Variants in HNRNPAB observed in about 807,000 individuals in gnomAD.
HNRNPAB encodes the protein ABBP-1.
HNRNPAB carries 17 observed loss-of-function variants against 44.1 expected under a neutral mutation model. The ratio of observed to expected loss-of-function variants is 0.39; its 90% CI spans 0.26 to 0.58. The LOEUF is 0.58. Among genes scored for constraint, HNRNPAB ranks in the 20% least tolerant of loss-of-function variants. HNRNPAB has a pLI of 0.63. For synonymous variants in HNRNPAB, 183 were observed against 167.6 expected, an observed-to-expected ratio of 1.09 and a Z score of -0.71; for missense variants, 393 against 432.7, an observed-to-expected ratio of 0.91 and a Z score of 0.81.
intron 2 of HNRNPAB, 123 bp from the exon 3 acceptor site, chr5:178,205,719 G>A: frequency 2.4e-6 from 2 of 831,882 alleles, no homozygotes; most frequent in Non-Finnish European, 1.9e-6. Context: ...TCTTTCTAAG[G>A]TGCTCCTTGC....
At position 178,210,164 on chromosome 5, in the gene HNRNPAB, A is replaced by T. The variant is rs1208029249; in HGVS notation, c.820A>T (p.Asn274Tyr). Reference sequence around the variant, plus strand: ...TCAGAGTTGGAATCAGGGCTACGGCAACTACTGGAACCAGGGCTACGGCTA... The same window carrying T: ...TCAGAGTTGGAATCAGGGCTACGGCTACTACTGGAACCAGGGCTACGGCTA... Reference protein sequence around the residue: ...QSQSWNQGYGNYWNQGYGYQQ... With the variant: ...QSQSWNQGYGYYWNQGYGYQQ... Residue 274 changes from asparagine to tyrosine, a missense_variant, in exon 7 of 8, where the codon AAC becomes TAC. Around this residue, in one of 3 missense-constraint regions of HNRNPAB, gnomAD observed 210 missense variants for 196.9 expected, o/e 1.07. Coordinates refer to ENST00000358344, the MANE Select transcript of HNRNPAB (RefSeq NM_031266.3). The T allele has an allele frequency of 3.1e-6, 5 of 1,613,794 alleles. No homozygotes were observed. The highest frequency in any genetic ancestry group is 4.2e-6 in the Non-Finnish European group (5 of 1,179,818).
Position 178,204,568 on chromosome 5 carries a change from T to C in HNRNPAB, c.-196T>C, listed in dbSNP as rs941999934. On this transcript the variant is annotated 5_prime_UTR_variant, in exon 1 of 8. Transcript: ENST00000358344. ...ACCGCGCGGGACGGAGCTTGGCTGT[T>C]GGTCGGTGGGTTCCCGTGCGGCGGC... is the stretch of plus-strand genomic sequence containing the variant. 8 of 229,040 alleles carry C rather than the reference T, an allele frequency of 3.5e-5. No homozygotes were observed. Among genetic ancestry groups the C allele is most frequent in the South Asian group, 1.8e-4 (1 of 5,524 alleles). The allele number at this position is 229,040 out of a possible 1,614,324, so 14.2% of individuals were successfully genotyped here. A position where few individuals can be genotyped will look rare whatever the true frequency, so the allele number is the denominator to read the frequency against.
At chr5:178,206,056 A>T (rs1380854290) in intron 3 of HNRNPAB, 46 bp downstream of exon 3, 1 of 1,544,112 alleles carries the variant, frequency 6.5e-7, no homozygotes, top group African/African-American at 1.4e-5. Flanking sequence ...AAACGATTTG[A>T]ATTCTAAGAG....
chr5:178,207,044 G>A lies in HNRNPAB; in HGVS notation c.538-50G>A, dbSNP rs532263340. 244 of 1,609,196 alleles carry A rather than the reference G, an allele frequency of 1.5e-4. 3 individuals carry two copies. In the South Asian group the frequency reaches 1.9e-3, roughly 12 times the overall value. ...CTTTTCTCCTGTGAGTCCCCTATAT[G>A]CTCTGGGGTAGGGAGGTATTGGGCC... On this transcript the variant is annotated intron_variant, in intron 4 of 7. Transcript: ENST00000358344.
In HNRNPAB at chr5:178,204,585, T is replaced by G. The variant is rs1756971513; in HGVS notation, c.-179T>G. 4.1e-6 allele frequency: 1 copy of G among 244,792 alleles called. No individual in the cohort carries two copies. Among genetic ancestry groups the G allele is most frequent in the Non-Finnish European group, 7.8e-6 (1 of 128,854 alleles). 15.2% of individuals were successfully genotyped at this position (244,792 alleles called of 1,614,324 possible). A position where few individuals can be genotyped will look rare whatever the true frequency, so the allele number is the denominator to read the frequency against. On this transcript the variant is annotated 5_prime_UTR_variant, in exon 1 of 8. Coordinates refer to ENST00000358344, the MANE Select transcript of HNRNPAB (RefSeq NM_031266.3). ...TTGGCTGTTGGTCGGTGGGTTCCCG[T>G]GCGGCGGCGGCCAAGGAGGAGGAGA...
chr5:178,210,273 G>C lies in HNRNPAB; in HGVS notation c.928+1G>C. The C allele has an allele frequency of 6.2e-7, 1 of 1,614,146 alleles. No homozygotes were observed. The highest frequency in any genetic ancestry group is 8.5e-7 in the Non-Finnish European group (1 of 1,180,004). On this transcript the variant is annotated splice_donor_variant, in intron 7 of 7. Transcript: ENST00000358344. LOFTEE classifies it high-confidence loss of function. ...GGCTACGGCCCCGGCTACGACTACA[G>C]TAAGTAGGAGAGAGGGAGGCCCCAT...
chr5:178,210,866 C>T lies in HNRNPAB; in HGVS notation c.*243C>T, dbSNP rs899176116. The T allele has an allele frequency of 1.1e-5, 6 of 553,170 alleles. No individual in the cohort carries two copies. The highest frequency in any genetic ancestry group is 1.9e-5 in the African/African-American group (1 of 52,504). The allele number at this position is 553,170 out of a possible 1,614,324, so 34.3% of individuals were successfully genotyped here. A position where few individuals can be genotyped will look rare whatever the true frequency, so the allele number is the denominator to read the frequency against. ...ATGGGCTGATTTTTATTACCAGGTCCCCCAGAAGCAGGTGGGAGGCTCTGC... is the reference window on the plus strand; with the variant it reads ...ATGGGCTGATTTTTATTACCAGGTCTCCCAGAAGCAGGTGGGAGGCTCTGC... On this transcript the variant is annotated 3_prime_UTR_variant, in exon 8 of 8. Coordinates refer to ENST00000358344, the MANE Select transcript of HNRNPAB (RefSeq NM_031266.3).
intron 5 of HNRNPAB, 98 bp downstream of exon 5, chr5:178,207,323 G>C: frequency 6.9e-7 from 1 of 1,455,414 alleles, no homozygotes; most frequent in East Asian, 2.3e-5. Context: ...GAGCTCTCCA[G>C]GTTGGTCAGA....
rs968460350 is a variant in HNRNPAB at position 178,204,616 on chromosome 5, T to C, written c.-148T>C. ...GGCGGCCAAGGAGGAGGAGACACAG[T>C]TGGAGCAGCTCCGTGGGCTGACTGG... On this transcript the variant is annotated 5_prime_UTR_variant, in exon 1 of 8. Transcript: ENST00000358344. The C allele has an allele frequency of 2.2e-5, 6 of 273,026 alleles. No individual in the cohort carries two copies. The highest frequency in any genetic ancestry group is 1.9e-4 in the East Asian group (3 of 15,420). 16.9% of individuals were successfully genotyped at this position (273,026 alleles called of 1,614,324 possible). A position where few individuals can be genotyped will look rare whatever the true frequency, so the allele number is the denominator to read the frequency against.
At chr5:178,205,696 T>C in intron 2 of HNRNPAB, 146 bp from the exon 3 acceptor site, 4 of 703,694 alleles carry the variant, frequency 5.7e-6, no homozygotes, top group Non-Finnish European at 7.2e-6. Context: ...TGGAGGGTAG[T>C]GGAGATTTAA....
Position 178,207,190 on chromosome 5 carries a change from C to A in HNRNPAB, c.634C>A (p.Leu212Met). 1 of 1,614,180 alleles carries A rather than the reference C, an allele frequency of 6.2e-7. No homozygotes were observed. Among genetic ancestry groups the A allele is most frequent in the South Asian group, 1.1e-5 (1 of 91,082 alleles). ...AGAAGAAGAACCCGTGAAGAAGGTT[C>A]TGGAGAAAAAGTTCCATACTGTCAG... ...FKEEEPVKKV[L>M]EKKFHTVSGS... The change falls in exon 5 of 8, where the codon CTG (leucine) becomes ATG (methionine). Residue 212 changes from leucine (L) to methionine (M), a missense_variant. Transcript: ENST00000358344.
chr5:178,210,548 C>T lies in HNRNPAB; in HGVS notation c.929-5C>T, dbSNP rs778161653. 6.2e-7 allele frequency: 1 copy of T among 1,613,620 alleles called. No homozygotes were observed. Among genetic ancestry groups the T allele is most frequent in the African/African-American group, 1.3e-5 (1 of 74,912 alleles). ...AGTAGCTGCTATGGTTGTTCTCGTCCCTAGGTCAGGGTAGTACAAACTACG... is the reference window on the plus strand; with the variant it reads ...AGTAGCTGCTATGGTTGTTCTCGTCTCTAGGTCAGGGTAGTACAAACTACG... On this transcript the variant is annotated splice_polypyrimidine_tract_variant and splice_region_variant and intron_variant, in intron 7 of 7. Transcript: ENST00000358344.
intron 2 of HNRNPAB, 25 bp from the exon 3 acceptor site, chr5:178,205,817 C>T: frequency 1.9e-6 from 3 of 1,603,772 alleles, no homozygotes; most frequent in Non-Finnish European, 1.7e-6. Flanking sequence ...GACTTGTTGC[C>T]GTGTGTCTCA....
At chr5:178,205,078 G>A (rs1269074670) in intron 2 of HNRNPAB, 32 bp downstream of exon 2, 1 of 1,194,126 alleles carries the variant, frequency 8.4e-7, no homozygotes, top group Non-Finnish European at 1.0e-6. Context: ...CGGGGGCGCC[G>A]CCTTTGTTCC....
At chr5:178,207,992 T>C (rs544146890) in intron 5 of HNRNPAB, among the ~76,000 whole-genome samples, 1 of 152,254 alleles carries the variant, frequency 6.6e-6, no homozygotes, top group Admixed American at 6.5e-5. Flanking sequence ...GGCACCTCTT[T>C]AAGTTAACCC....
chr5:178,206,961 T>C, intron 4 of HNRNPAB, 71 bp downstream of exon 4: 1 of 1,598,350 alleles, frequency 6.3e-7, no homozygotes, highest in Admixed American at 1.7e-5. Context: ...TTGGTATCCT[T>C]GGCTGGCTAG....
rs755092618 is a variant in HNRNPAB, at chr5:178,210,307, C to T, written c.928+35C>T. 2.5e-6 allele frequency: 4 copies of T among 1,613,462 alleles called. No homozygotes were observed. In the African/African-American group the frequency reaches 5.3e-5, roughly 22 times the overall value. Reference sequence around the variant, plus strand: ...AGAGAGGGAGGCCCCATCCGCTCACCCCTCGTCCCCAGGGGAGGCAGGACA... The same window carrying T: ...AGAGAGGGAGGCCCCATCCGCTCACTCCTCGTCCCCAGGGGAGGCAGGACA... On this transcript the variant is annotated intron_variant, in intron 7 of 7. Coordinates refer to ENST00000358344, the MANE Select transcript of HNRNPAB (RefSeq NM_031266.3).
rs1757786903 is a variant in HNRNPAB at position 178,210,219 on chromosome 5, G to A, written c.875G>A (p.Gly292Asp). ...YQQGYGPGYG[G>D]YDYSPYGYYG... is the part of the protein sequence containing the mutation. ...CAGGGCTACGGGCCTGGCTATGGCG[G>A]CTACGACTACTCGCCCTATGGCTAT... The change falls in exon 7 of 8, where the codon GGC (glycine) becomes GAC (aspartate). Residue 292 changes from glycine (G) to aspartate (D), a missense_variant. This residue lies in a region of HNRNPAB where 210 missense variants were observed against 196.9 expected (regional missense o/e 1.07). Coordinates refer to ENST00000358344, the MANE Select transcript of HNRNPAB (RefSeq NM_031266.3). The A allele has an allele frequency of 8.1e-6, 13 of 1,612,824 alleles. No homozygotes were observed. Among genetic ancestry groups the A allele is most frequent in the Admixed American group, 1.7e-5 (1 of 59,958 alleles).
Position 178,210,263 on chromosome 5 carries a change from TACG to T in HNRNPAB, c.922_924del (p.Asp308del). 6.2e-7 allele frequency: 1 copy of T among 1,614,048 alleles called. No homozygotes were observed. The highest frequency in any genetic ancestry group is 8.5e-7 in the Non-Finnish European group (1 of 1,179,978). On this transcript the variant is annotated inframe_deletion, in exon 7 of 8. Coordinates refer to ENST00000358344, the MANE Select transcript of HNRNPAB (RefSeq NM_031266.3). ...TGGCTATTACGGCTACGGCCCCGGC[TACG>T]ACTACAGTAAGTAGGAGAGAGGGAG...
Sources: gnomAD v4.1 joint callset for allele counts (sites outside exome capture counted in the v4.1 genomes callset) on GRCh38, gnomAD v4.1.1 for gene constraint, gnomAD v4.1.1 regional missense constraint, MANE v1.5 for transcripts, NCBI Gene and HGNC (gene_info 2026-07-23, HGNC 2026-07-21) for gene names.